Variants in PDS5A observed in about 807,000 individuals in gnomAD.
PDS5A encodes PDS5 cohesin associated factor A.
Under a neutral mutation model 167.1 loss-of-function variants are expected in PDS5A, and 42 were observed. The observed-to-expected ratio is 0.25, with a 90% CI of 0.20 to 0.33. The LOEUF (loss-of-function observed/expected upper bound fraction) is 0.33. PDS5A is among the 10% of genes least tolerant of loss of function. The pLI is 1.00. For synonymous variants in PDS5A, 553 were observed against 554.6 expected (o/e 1.00, Z 0.04); for missense variants, 1,033 against 1,605.9 (o/e 0.64, Z 6.10).
At chr4:39,885,796 C>T (rs192857889) in intron 17 of PDS5A, among the ~76,000 whole-genome samples, 208 of 151,770 alleles carry the variant, frequency 1.4e-3, no homozygotes, top group African/African-American at 4.9e-3. Context: ...AAAAAAACAC[C>T]CTCACAAAAT....
chr4:39,946,713 G>A (rs988716105), intron 2 of PDS5A, among the ~76,000 whole-genome samples: 1 of 151,862 alleles, frequency 6.6e-6, no homozygotes, highest in African/African-American at 2.4e-5. Flanking sequence ...TCAGGAGTTC[G>A]AGACCAGCCT....
At chr4:39,943,733 G>A (rs549056780) in intron 2 of PDS5A, among the ~76,000 whole-genome samples, 1 of 152,076 alleles carries the variant, frequency 6.6e-6, no homozygotes, top group Admixed American at 6.6e-5. Context: ...CTTGAACCTG[G>A]GAGGCGGCGG....
intron 2 of PDS5A, among the ~76,000 whole-genome samples, chr4:39,952,438 C>T (rs2109789668): frequency 6.6e-6 from 1 of 152,062 alleles, no homozygotes; most frequent in African/African-American, 2.4e-5. Context: ...GCTCTTTCAG[C>T]AAGTATAAAA....
rs766851812 is a variant in PDS5A at position 39,928,151 on chromosome 4, G to T, written c.152C>A (p.Thr51Asn). Residue 51 changes from threonine (T) to asparagine (N), a missense_variant, in exon 3 of 33, where the codon ACC becomes AAC. By Grantham distance (65) the Thr-to-Asn change is moderately conservative (BLOSUM62 0). Around this residue, in one of 4 missense-constraint regions of PDS5A, gnomAD observed 388 missense variants for 615.1 expected, o/e 0.63. Coordinates refer to ENST00000303538, the MANE Select transcript of PDS5A (RefSeq NM_001100399.2). ...MIKRLKMVVK[T>N]FMDMDQDSED... ...TGAGTCCTGATCCATATCCATAAAGGTTTTCACTACCATCTGTAAAAATGT... is the reference window on the plus strand; with the variant it reads ...TGAGTCCTGATCCATATCCATAAAGTTTTTCACTACCATCTGTAAAAATGT... 2 of 1,603,808 alleles carry T rather than the reference G, an allele frequency of 1.2e-6. No individual in the cohort carries two copies. Among genetic ancestry groups the T allele is most frequent in the African/African-American group, 1.3e-5 (1 of 74,594 alleles).
chr4:39,899,455 T>C (rs1289816546), intron 14 of PDS5A, among the ~76,000 whole-genome samples: 2 of 152,202 alleles, frequency 1.3e-5, no homozygotes, highest in African/African-American at 4.8e-5. Flanking sequence ...ATTCATTTAT[T>C]TATCGTGTAT....
At chr4:39,849,716 T>G (rs573731738) in intron 26 of PDS5A, 64 bp from the exon 27 acceptor site, 3 of 1,086,546 alleles carry the variant, frequency 2.8e-6, no homozygotes, top group South Asian at 1.6e-5. Context: ...GCAATAAATA[T>G]GTTAGCTGGG....
intron 26 of PDS5A, among the ~76,000 whole-genome samples, chr4:39,853,829 T>C (rs1168484621): frequency 1.3e-5 from 2 of 152,228 alleles, no homozygotes; most frequent in Non-Finnish European, 2.9e-5. Context: ...CAATTTGGCT[T>C]TCACCTGCAT....
Position 39,842,055 on chromosome 4 carries a change from C to T in PDS5A, c.3550G>A (p.Glu1184Lys). The T allele has an allele frequency of 6.3e-7, 1 of 1,576,782 alleles. No individual in the cohort carries two copies. Among genetic ancestry groups the T allele is most frequent in the Non-Finnish European group, 8.7e-7 (1 of 1,146,178 alleles). The change falls in exon 31 of 33, where the codon GAA becomes AAA. Residue 1184 changes from glutamate to lysine, a missense_variant and splice_region_variant. Around this residue, in one of 4 missense-constraint regions of PDS5A, gnomAD observed 233 missense variants for 264.0 expected, o/e 0.88. Coordinates refer to ENST00000303538, the MANE Select transcript of PDS5A (RefSeq NM_001100399.2). ...LNPSTGNRSR[E>K]QSSEAAETGV... ...GTTTCTGCTGCCTCTGAACTCTGTTCCCTGTTTAAAACAAATAAACCAAGA... is the reference window on the plus strand; with the variant it reads ...GTTTCTGCTGCCTCTGAACTCTGTTTCCTGTTTAAAACAAATAAACCAAGA...
chr4:39,934,443 T>A (rs930391336), intron 2 of PDS5A, among the ~76,000 whole-genome samples: 2 of 152,216 alleles, frequency 1.3e-5, no homozygotes, highest in African/African-American at 4.8e-5. Context: ...CAGGCCTTTT[T>A]AAATGCTATT....
intron 26 of PDS5A, among the ~76,000 whole-genome samples, chr4:39,857,257 CAGA>C (rs1194519089): frequency 2.0e-5 from 3 of 150,306 alleles, no homozygotes; most frequent in African/African-American, 7.3e-5. Context: ...GAGGCTGAGG[CAGA>C]AGAATGGCGT....
intron 2 of PDS5A, among the ~76,000 whole-genome samples, chr4:39,956,069 G>T (rs902314975): frequency 6.6e-6 from 1 of 151,284 alleles, no homozygotes; most frequent in African/African-American, 2.4e-5. Context: ...AGTGAGCTGC[G>T]ATCTCGCCAC....
chr4:39,858,452 T>A (rs1718713392), intron 26 of PDS5A, among the ~76,000 whole-genome samples: 1 of 152,054 alleles, frequency 6.6e-6, no homozygotes, highest in South Asian at 2.1e-4. Context: ...CCAAAACCAA[T>A]CTCTGGGGAA....
chr4:39,843,030 G>A (rs931225615), intron 30 of PDS5A, among the ~76,000 whole-genome samples: 7 of 149,830 alleles, frequency 4.7e-5, no homozygotes, highest in African/African-American at 7.4e-5. Flanking sequence ...TCCTGCCTCC[G>A]CCTCCTGAGC....
intron 32 of PDS5A, among the ~76,000 whole-genome samples, chr4:39,829,199 GAA>G (rs1715589207): frequency 6.6e-6 from 1 of 152,186 alleles, no homozygotes; most frequent in Non-Finnish European, 1.5e-5. Flanking sequence ...CAGGTCTCAG[GAA>G]AATGCAGGTG....
intron 8 of PDS5A, 69 bp from the exon 9 acceptor site, chr4:39,913,795 T>TG: frequency 2.4e-6 from 2 of 848,712 alleles, no homozygotes; most frequent in Non-Finnish European, 2.0e-6. Flanking sequence ...TCTTGAAACA[T>TG]TCTCAAGAAG....
chr4:39,826,999 T>A (rs187405174), intron 32 of PDS5A, among the ~76,000 whole-genome samples: 2 of 152,246 alleles, frequency 1.3e-5, no homozygotes, highest in East Asian at 3.9e-4. Context: ...CAATATGCTA[T>A]TAAAGAATTT....
At chr4:39,898,176 T>C (rs1451487123) in intron 16 of PDS5A, 4 of 1,240,746 alleles carry the variant, frequency 3.2e-6, no homozygotes, top group Non-Finnish European at 4.0e-6. Context: ...AAGACCAATC[T>C]CCCTGGCTTA....
At chr4:39,969,421 C>T (rs1730291889) in intron 2 of PDS5A, among the ~76,000 whole-genome samples, 1 of 152,138 alleles carries the variant, frequency 6.6e-6, no homozygotes, top group Admixed American at 6.6e-5. Context: ...AATCCCAGCA[C>T]TTTGGGAGGT....
chr4:39,954,472 C>T (rs1447800573), intron 2 of PDS5A, among the ~76,000 whole-genome samples: 2 of 151,990 alleles, frequency 1.3e-5, no homozygotes, highest in Non-Finnish European at 2.9e-5. Context: ...GCATGTGCCA[C>T]CACCCTCGGC....
Sources: allele counts gnomAD v4.1 joint callset (sites outside exome capture counted in the v4.1 genomes callset), GRCh38; gene constraint gnomAD v4.1.1; regional missense constraint gnomAD v4.1.1; transcripts MANE v1.5; gene names NCBI Gene and HGNC (gene_info 2026-07-23, HGNC 2026-07-21).